ABR: variants seen among roughly 807,000 people sequenced by gnomAD.
ABR encodes the protein active breakpoint cluster region-related protein.
In ABR, 35 loss-of-function variants were observed where a neutral mutation model predicts 107.2. The ratio of observed to expected loss-of-function variants is 0.33; its 90% CI spans 0.25 to 0.43. The LOEUF (loss-of-function observed/expected upper bound fraction) is 0.43. Ranked by LOEUF, ABR falls within the 20% of genes least tolerant of loss-of-function variation. ABR has a pLI of 1.00. For synonymous variants in ABR, 498 were observed against 462.0 expected (o/e 1.08, Z -1.00); for missense variants, 815 against 1,115.2 (o/e 0.73, Z 3.83).
chr17:1,012,811 G>C lies in ABR; in HGVS notation c.1852-14C>G, dbSNP rs781205124. On this transcript the variant is annotated splice_polypyrimidine_tract_variant and intron_variant, in intron 17 of 22. Transcript: ENST00000302538. Reference sequence around the variant, plus strand: ...TTCCACTTTGATCTGGTTGGGGGGTGAGGCAGGTAAAGATTCCCCAGGGTG... The same window carrying C: ...TTCCACTTTGATCTGGTTGGGGGGTCAGGCAGGTAAAGATTCCCCAGGGTG... 2 of 1,559,252 alleles carry C rather than the reference G, an allele frequency of 1.3e-6. No individual in the cohort carries two copies. Among genetic ancestry groups the C allele is most frequent in the Admixed American group, 1.9e-5 (1 of 52,646 alleles).
rs567299331 is a variant in ABR, at chr17:1,166,770, C to A, written c.61+12897G>T. Among the ~76,000 whole-genome samples the A allele has an allele frequency of 2.2e-4, 33 of 152,242 alleles. No homozygotes were observed. The East Asian group carries it at 4.3e-3, about 20-fold the overall frequency. On this transcript the variant is annotated intron_variant, in intron 1 of 22. Coordinates refer to ENST00000302538, the MANE Select transcript of ABR (RefSeq NM_021962.5). ...ATCCCAGCACTTTGGGAGGCCGAGG[C>A]GGGCGGATCACCTGAGGTCAGGAGT... is the stretch of plus-strand genomic sequence containing the variant.
intron 2 of ABR, among the ~76,000 whole-genome samples, chr17:1,112,884 G>C (rs374089312): frequency 2.9e-5 from 4 of 140,202 alleles, no homozygotes; most frequent in Non-Finnish European, 6.4e-5. Flanking sequence ...CAATCAGCAA[G>C]CATTTGTTAA....
At chr17:1,023,862 T>G (rs1204676569) in intron 16 of ABR, among the ~76,000 whole-genome samples, 1 of 151,766 alleles carries the variant, frequency 6.6e-6, no homozygotes. Context: ...CTGTCTCTAC[T>G]AAAAATACAA....
intron 1 of ABR, among the ~76,000 whole-genome samples, chr17:1,140,680 T>A (rs1399927174): frequency 1.3e-5 from 2 of 151,570 alleles, no homozygotes; most frequent in Admixed American, 1.3e-4. Context: ...CCTCCCAGGT[T>A]CAAGCAATTC....
chr17:1,091,104 G>A (rs769052441), intron 4 of ABR, among the ~76,000 whole-genome samples: 2 of 152,188 alleles, frequency 1.3e-5, no homozygotes, highest in South Asian at 2.1e-4. Context: ...CCTGCTCTTG[G>A]GACCTCAGGA....
In ABR at chr17:1,053,499, G is replaced by A. The variant is rs182178363; in HGVS notation, c.1561+2536C>T. On this transcript the variant is annotated intron_variant, in intron 14 of 22. Transcript: ENST00000302538. ...TCAGACCATCTGGGTCCACACCCCA[G>A]CTCTGCACAGATCACCTCCCTTCTC... is the stretch of plus-strand genomic sequence containing the variant. 3.2e-3 allele frequency among the ~76,000 whole-genome samples: 488 copies of A among 152,174 alleles called. 2 individuals are homozygous for A. The highest frequency in any genetic ancestry group is 0.011 in the African/African-American group (457 of 41,498).
chr17:1,038,654 C>T (rs189273750), intron 16 of ABR, among the ~76,000 whole-genome samples: 15 of 152,354 alleles, frequency 9.8e-5, no homozygotes, highest in East Asian at 3.9e-4. Context: ...CCAATGTCCA[C>T]GCCCCCAGGC....
In ABR at chr17:1,150,281, G is replaced by A. The variant is rs1171847918; in HGVS notation, c.62-24914C>T. Among the ~76,000 whole-genome samples, 5 of 152,320 alleles carry A rather than the reference G, an allele frequency of 3.3e-5. No individual in the cohort carries two copies. The highest frequency in any genetic ancestry group is 4.1e-4 in the South Asian group (2 of 4,824). ...ACAGAGCACTTGGCCAAGCCAGCGC[G>A]ATGTCTGCACTCAGATCTCCTCTCT... On this transcript the variant is annotated intron_variant, in intron 1 of 22. Transcript: ENST00000302538. This position sits in a 1 kb window ranked among gnomAD's most constrained non-coding sequence, Gnocchi z 4.8.
chr17:1,090,199 G>T (rs759604410), intron 4 of ABR, among the ~76,000 whole-genome samples: 1 of 152,216 alleles, frequency 6.6e-6, no homozygotes, highest in Non-Finnish European at 1.5e-5. Flanking sequence ...CCTGCCCTGG[G>T]AACTGAGAAC....
chr17:1,103,246 C>CT (rs1416580193), intron 2 of ABR, among the ~76,000 whole-genome samples: 1 of 152,074 alleles, frequency 6.6e-6, no homozygotes, highest in Non-Finnish European at 1.5e-5. Flanking sequence ...CCTGAGGCAC[C>CT]GAGAGTCGGG....
chr17:1,173,806 G>A (rs938712023), intron 1 of ABR, among the ~76,000 whole-genome samples: 1 of 152,158 alleles, frequency 6.6e-6, no homozygotes, highest in Non-Finnish European at 1.5e-5. Flanking sequence ...TGTTCCTGCC[G>A]GTCCTCCTGC....
At position 1,012,705 on chromosome 17, in the gene ABR, C is replaced by G. The variant is rs1226279916; in HGVS notation, c.1944G>C (p.Lys648Asn). 1 of 1,586,324 alleles carries G rather than the reference C, an allele frequency of 6.3e-7. No individual in the cohort carries two copies. The highest frequency in any genetic ancestry group is 1.3e-5 in the African/African-American group (1 of 74,572). The change falls in exon 18 of 23, where the codon AAG (lysine) becomes AAC (asparagine). Residue 648 changes from lysine (K) to asparagine (N), a missense_variant. This residue lies in a region of ABR where 175 missense variants were observed against 284.3 expected (regional missense o/e 0.62). Coordinates refer to ENST00000302538, the MANE Select transcript of ABR (RefSeq NM_021962.5). ...GCACCTACTTCGTCACCACGCTGATCTTCACACCGAAGACGCCGGTCTGCT... is the reference window on the plus strand; with the variant it reads ...GCACCTACTTCGTCACCACGCTGATGTTCACACCGAAGACGCCGGTCTGCT... ...SKKQTGVFGV[K>N]ISVVTKRERS...
At chr17:1,107,865 T>A (rs1002422810) in intron 2 of ABR, among the ~76,000 whole-genome samples, 2 of 152,190 alleles carry the variant, frequency 1.3e-5, no homozygotes, top group Admixed American at 6.5e-5. Flanking sequence ...TACTCACACA[T>A]CAGCCATCTC....
chr17:1,013,417 C>T lies in ABR; in HGVS notation c.1792-253G>A, dbSNP rs4968075. Among the ~76,000 whole-genome samples, 6,961 of 151,806 alleles carry T rather than the reference C, an allele frequency of 0.046. 273 individuals carry two copies. The highest frequency in any genetic ancestry group is 0.13 in the Admixed American group (1,966 of 15,242). On this transcript the variant is annotated intron_variant, in intron 16 of 22. Coordinates refer to ENST00000302538, the MANE Select transcript of ABR (RefSeq NM_021962.5). ...GGGAGGCAGGGCACACCCTGTTACCCGCCGTGGGGGAGGCAGGGCACACTC... is the reference window on the plus strand; with the variant it reads ...GGGAGGCAGGGCACACCCTGTTACCTGCCGTGGGGGAGGCAGGGCACACTC...
chr17:1,130,576 A>G (rs994711943), intron 1 of ABR, among the ~76,000 whole-genome samples: 6 of 152,140 alleles, frequency 3.9e-5, no homozygotes, highest in Non-Finnish European at 5.9e-5. Context: ...GACTCCTTCT[A>G]GCTCCCTGCG....
intron 1 of ABR, among the ~76,000 whole-genome samples, chr17:1,213,757 CA>C (rs2042948395): frequency 6.6e-6 from 1 of 152,030 alleles, no homozygotes; most frequent in South Asian, 2.1e-4. Context: ...GCAAACTGTG[CA>C]AAGATACTGT....
rs2036021500 is a variant in ABR at position 1,079,318 on chromosome 17, T to TC, written c.700+11dup. ...GGTAGGTGCCTGTAATCCAGCCCGC[T>TC]CCCCGAGGTACCTTCCATGGTGACA... is the stretch of plus-strand genomic sequence containing the variant. On this transcript the variant is annotated intron_variant, in intron 6 of 22. Coordinates refer to ENST00000302538, the MANE Select transcript of ABR (RefSeq NM_021962.5). 6.8e-6 allele frequency: 11 copies of TC among 1,612,674 alleles called. No individual in the cohort carries two copies. Among genetic ancestry groups the TC allele is most frequent in the Non-Finnish European group, 9.3e-6 (11 of 1,179,334 alleles).
At chr17:1,094,933 T>C (rs1047134159) in intron 3 of ABR, among the ~76,000 whole-genome samples, 3 of 152,060 alleles carry the variant, frequency 2.0e-5, no homozygotes, top group Admixed American at 6.5e-5. Flanking sequence ...CAAGCCCAGG[T>C]GGGTGAGCTG....
chr17:1,187,599 C>T (rs1338399370), upstream of ABR, among the ~76,000 whole-genome samples: 2 of 152,186 alleles, frequency 1.3e-5, no homozygotes, highest in African/African-American at 4.8e-5. Context: ...ACTAAAATAT[C>T]CTCAAATGGG....
Sources: allele counts gnomAD v4.1 joint callset (sites outside exome capture counted in the v4.1 genomes callset), GRCh38; gene constraint gnomAD v4.1.1; regional missense constraint gnomAD v4.1.1; non-coding constraint Gnocchi (gnomAD v3.1); transcripts MANE v1.5; gene names NCBI Gene and HGNC (gene_info 2026-07-23, HGNC 2026-07-21).